Variants in LSAMP observed in about 807,000 individuals in gnomAD.
The protein encoded by LSAMP is limbic system-associated membrane protein.
In LSAMP, 7 loss-of-function variants were observed where a neutral mutation model predicts 38.6. That is an observed-to-expected ratio of 0.18 (90% CI 0.10 to 0.34). LSAMP has a LOEUF of 0.34. Ranked by LOEUF, LSAMP falls within the 10% of genes least tolerant of loss-of-function variation. The pLI is 1.00. For missense variants in LSAMP, 313 were observed against 420.0 expected, an observed-to-expected ratio of 0.75 and a Z score of 2.23; for synonymous variants, 154 against 166.8, an observed-to-expected ratio of 0.92 and a Z score of 0.59.
intron 1 of LSAMP, among the ~76,000 whole-genome samples, chr3:116,369,400 C>T (rs1424826707): frequency 6.6e-6 from 1 of 152,204 alleles, no homozygotes. Flanking sequence ...ATTGCTCTTA[C>T]CTTCCAGAAA....
chr3:116,420,430 G>T (rs2107853953), intron 1 of LSAMP, among the ~76,000 whole-genome samples: 1 of 152,058 alleles, frequency 6.6e-6, no homozygotes. Context: ...ATAATCAAAA[G>T]ACTATATCTT....
chr3:116,232,327 T>C (rs2107628777), intron 1 of LSAMP, among the ~76,000 whole-genome samples: 1 of 152,328 alleles, frequency 6.6e-6, no homozygotes, highest in East Asian at 1.9e-4. Context: ...ATCGTATGAC[T>C]TACTTCTCCT....
At position 116,153,698 on chromosome 3, in the gene LSAMP, TA is replaced by T. The variant is rs202095830; in HGVS notation, c.156-67143del. ...TTAGAAATCTTTTAATTCAATCTTG[TA>T]AAAAAAAATTAAAACATAGTTTTAA... On this transcript the variant is annotated intron_variant, in intron 1 of 6. Transcript: ENST00000490035. 5.2e-3 allele frequency among the ~76,000 whole-genome samples: 784 copies of T among 151,680 alleles called. 5 individuals are homozygous for T. Among genetic ancestry groups the T allele is most frequent in the African/African-American group, 0.017 (716 of 41,414 alleles).
intron 1 of LSAMP, among the ~76,000 whole-genome samples, chr3:116,123,506 G>A (rs1708935390): frequency 1.3e-5 from 2 of 152,138 alleles, no homozygotes; most frequent in Admixed American, 6.6e-5. Flanking sequence ...AGGAAGTTTG[G>A]GTTGAAAAAC....
intron 1 of LSAMP, among the ~76,000 whole-genome samples, chr3:116,219,489 T>C (rs756322938): frequency 6.6e-6 from 1 of 152,174 alleles, no homozygotes; most frequent in Non-Finnish European, 1.5e-5. Context: ...AATTTCTGGA[T>C]CATATGGTAG....
intron 4 of LSAMP, among the ~76,000 whole-genome samples, chr3:115,851,122 C>T (rs1007371139): frequency 3.9e-5 from 6 of 152,020 alleles, no homozygotes; most frequent in Admixed American, 1.3e-4. Context: ...TACAGGCACC[C>T]GCCACCACAC....
chr3:116,087,628 C>T (rs1170749581), intron 1 of LSAMP, among the ~76,000 whole-genome samples: 1 of 152,154 alleles, frequency 6.6e-6, no homozygotes, highest in Non-Finnish European at 1.5e-5. Flanking sequence ...GCCACGAGCA[C>T]CACAGCAGGA....
At chr3:115,922,706 C>A (rs1937410347) in intron 3 of LSAMP, among the ~76,000 whole-genome samples, 1 of 152,114 alleles carries the variant, frequency 6.6e-6, no homozygotes, top group Admixed American at 6.6e-5. Context: ...TGGGGAAGAT[C>A]CTCACCCATC....
intron 1 of LSAMP, among the ~76,000 whole-genome samples, chr3:116,115,030 ATTGT>A (rs1708711328): frequency 6.6e-6 from 1 of 152,266 alleles, no homozygotes; most frequent in Non-Finnish European, 1.5e-5. Flanking sequence ...CCTTTTTATA[ATTGT>A]TTGCAGGTTT....
intron 3 of LSAMP, among the ~76,000 whole-genome samples, chr3:115,958,622 C>T (rs2107589939): frequency 6.6e-6 from 1 of 152,252 alleles, no homozygotes; most frequent in Admixed American, 6.5e-5. Flanking sequence ...CCTCAATTTT[C>T]CAGGCTGTTG....
At chr3:115,970,610 C>T (rs529037632) in intron 3 of LSAMP, among the ~76,000 whole-genome samples, 18 of 152,118 alleles carry the variant, frequency 1.2e-4, no homozygotes, top group South Asian at 4.2e-4. Context: ...TAGGTCAGAA[C>T]GAAGAAGTTC....
chr3:116,345,778 G>C (rs902805983), intron 1 of LSAMP, among the ~76,000 whole-genome samples: 3 of 152,108 alleles, frequency 2.0e-5, no homozygotes, highest in African/African-American at 7.2e-5. Flanking sequence ...AGATATAGCA[G>C]TGTCGGTTGC....
chr3:115,829,888 C>A (rs746319570), intron 6 of LSAMP, among the ~76,000 whole-genome samples: 8 of 152,074 alleles, frequency 5.3e-5, no homozygotes, highest in Non-Finnish European at 1.0e-4. Flanking sequence ...AGCTGATGTC[C>A]ATGCAACATG....
At chr3:116,363,922 A>G (rs10446306) in intron 1 of LSAMP, among the ~76,000 whole-genome samples, 11 of 40,820 alleles carry the variant, frequency 2.7e-4, no homozygotes, top group African/African-American at 1.7e-3. Context: ...ATGGGCAAAA[A>G]CTGGAAGCAT....
At chr3:116,409,813 C>T (rs1175598996) in intron 1 of LSAMP, among the ~76,000 whole-genome samples, 1 of 152,038 alleles carries the variant, frequency 6.6e-6, no homozygotes, top group East Asian at 1.9e-4. Context: ...AATTAAGGAG[C>T]TGTAAATACT....
At chr3:116,236,666 TA>T (rs1390074656) in intron 1 of LSAMP, among the ~76,000 whole-genome samples, 1 of 152,154 alleles carries the variant, frequency 6.6e-6, no homozygotes, top group Non-Finnish European at 1.5e-5. Context: ...CCAATTATTG[TA>T]CACTGCATAA....
chr3:116,425,314 G>A (rs2049179911), intron 1 of LSAMP, among the ~76,000 whole-genome samples: 1 of 152,146 alleles, frequency 6.6e-6, no homozygotes, highest in Non-Finnish European at 1.5e-5. Context: ...CTTTGGCCAT[G>A]TAACCATAGA....
rs537750992 is a variant in LSAMP, at chr3:115,857,467, A to G, written c.515-4850T>C. Among the ~76,000 whole-genome samples the G allele has an allele frequency of 1.2e-4, 19 of 152,328 alleles. No individual in the cohort carries two copies. The East Asian group carries it at 3.7e-3, about 29-fold the overall frequency. Reference sequence around the variant, plus strand: ...TTAAGTTCTCTGGTAGACGAGTTCTATGGCCACAATTTGGGTCTTTCTCTT... The same window carrying G: ...TTAAGTTCTCTGGTAGACGAGTTCTGTGGCCACAATTTGGGTCTTTCTCTT... On this transcript the variant is annotated intron_variant, in intron 3 of 6. Coordinates refer to ENST00000490035, the MANE Select transcript of LSAMP (RefSeq NM_002338.5).
chr3:115,845,110 A>G (rs1935112377), intron 4 of LSAMP, among the ~76,000 whole-genome samples: 1 of 152,216 alleles, frequency 6.6e-6, no homozygotes, highest in African/African-American at 2.4e-5. Flanking sequence ...AAAAGGTAAC[A>G]CTGTGATTTC....
Sources: gnomAD v4.1 joint callset for allele counts (sites outside exome capture counted in the v4.1 genomes callset) on GRCh38, gnomAD v4.1.1 for gene constraint, MANE v1.5 for transcripts, NCBI Gene and HGNC (gene_info 2026-07-23, HGNC 2026-07-21) for gene names.